Variants in MOK observed in about 807,000 individuals in gnomAD.
MOK encodes the protein MAPK/MAK/MRK overlapping kinase.
MOK carries 59 observed loss-of-function variants against 54.2 expected under a neutral mutation model. The ratio of observed to expected loss-of-function variants is 1.09; its 90% confidence interval spans 0.88 to 1.35. The LOEUF (loss-of-function observed/expected upper bound fraction) is 1.35, where lower values mean the gene tolerates loss of function less well. Among genes scored for constraint, MOK ranks in the 40% most tolerant of loss-of-function variants. MOK has a pLI of 0.00. For missense variants in MOK, 517 were observed against 526.2 expected (o/e 0.98, Z 0.17); for synonymous variants, 210 against 202.7 (o/e 1.04, Z -0.31).
chr14:102,299,514 A>G (rs74925980), intron 1 of MOK, among the ~76,000 whole-genome samples: 5 of 125,660 alleles, frequency 4.0e-5, no homozygotes, highest in South Asian at 4.7e-4. Context: ...GACTACCTAC[A>G]AAAAAAAAAA....
rs1390257200 is a variant in MOK, at chr14:102,265,841, ATAAGAATGTTTGG to A, written c.181_193del (p.Pro61CysfsTer16). 2 of 1,613,848 alleles carry A rather than the reference ATAAGAATGTTTGG, an allele frequency of 1.2e-6. No individual in the cohort carries two copies. The highest frequency in any genetic ancestry group is 1.7e-6 in the Non-Finnish European group (2 of 1,179,822). On this transcript the variant is annotated frameshift_variant, in exon 3 of 12. Coordinates refer to ENST00000361847, the MANE Select transcript of MOK (RefSeq NM_014226.3). LOFTEE classifies it high-confidence loss of function. ...TACTTACAAAACCACTTCATGCAAC[ATAAGAATGTTTGG>A]GTGCGGATTCAGGCGCCTCAGTGCT...
downstream of MOK, among the ~76,000 whole-genome samples, chr14:102,221,986 A>C (rs1456135656): frequency 2.6e-5 from 4 of 152,228 alleles, no homozygotes; most frequent in South Asian, 8.3e-4. This position sits in a 1 kb window ranked among gnomAD's most constrained non-coding sequence, Gnocchi z 4.8. Context: ...GCTCAATAGT[A>C]AATGCAAAGA....
At chr14:102,224,993 G>A (rs1458744007), downstream of MOK, 2 of 349,006 alleles carry the variant, frequency 5.7e-6, no homozygotes, top group Admixed American at 8.1e-5. Flanking sequence ...ACCCAGGAGG[G>A]CCCAAAACAG....
the MOK span, among the ~76,000 whole-genome samples, chr14:102,218,000 C>A: frequency 6.6e-6 from 1 of 152,156 alleles, no homozygotes; most frequent in African/African-American, 2.4e-5. Flanking sequence ...CTCTGGGGGA[C>A]GCCAGTGGAG....
At chr14:102,280,038 G>T (rs955705648) in intron 2 of MOK, among the ~76,000 whole-genome samples, 16 of 151,612 alleles carry the variant, frequency 1.1e-4, no homozygotes, top group Non-Finnish European at 4.4e-5. Flanking sequence ...ACTGTGCAAG[G>T]TGACTCTGGG....
At chr14:102,255,400 G>A (rs184885351) in intron 4 of MOK, among the ~76,000 whole-genome samples, 151 of 152,218 alleles carry the variant, frequency 9.9e-4, no homozygotes, top group African/African-American at 3.3e-3. Flanking sequence ...ACGGGCATGC[G>A]GGCCAGGAAT....
Position 102,249,024 on chromosome 14 carries a change from G to T in MOK, c.590+1788C>A, listed in dbSNP as rs77671108. On this transcript the variant is annotated intron_variant, in intron 7 of 11. Coordinates refer to ENST00000361847, the MANE Select transcript of MOK (RefSeq NM_014226.3). This position sits in a 1 kb window ranked among gnomAD's most constrained non-coding sequence, Gnocchi z 5.3. ...CCAGGCAGACTCGCTCACACGGAAC[G>T]CGAGGAACTCAGCCTGGCGTGTGCA... is the stretch of plus-strand genomic sequence containing the variant. 6.6e-6 allele frequency among the ~76,000 whole-genome samples: 1 copy of T among 151,688 alleles called. No homozygotes were observed. Among genetic ancestry groups the T allele is most frequent in the Non-Finnish European group, 1.5e-5 (1 of 67,984 alleles).
downstream of MOK, among the ~76,000 whole-genome samples, chr14:102,222,142 GC>G (rs1162780234): frequency 6.6e-6 from 1 of 150,420 alleles, no homozygotes; most frequent in Non-Finnish European, 1.5e-5. This position sits in a 1 kb window ranked among gnomAD's most constrained non-coding sequence, Gnocchi z 4.4. Flanking sequence ...AGAGCCAGAT[GC>G]CCCCCACCAT....
rs1295958332 is a variant in MOK at position 102,229,496 on chromosome 14, C to G, written c.1143G>C (p.Pro381=). The G allele has an allele frequency of 1.5e-5, 24 of 1,614,166 alleles. No homozygotes were observed. The highest frequency in any genetic ancestry group is 1.9e-5 in the Non-Finnish European group (22 of 1,180,030). ...GGATGCACTTCAAGGGTCTCAGCAC[C>G]GGCACTCTTCCATTTGTTCCAGATC... ...VLGSGTNGRV[P]VLRPLKCIPA... is the part of the protein sequence containing the mutation. Residue 381 remains proline, a synonymous_variant, in exon 11 of 12, where the codon CCG becomes CCC. Coordinates refer to ENST00000361847, the MANE Select transcript of MOK (RefSeq NM_014226.3).
rs985330375 is a variant in MOK at position 102,229,579 on chromosome 14, G to A, written c.1060C>T (p.Leu354Phe). The A allele has an allele frequency of 7.4e-6, 12 of 1,614,204 alleles. No homozygotes were observed. Among genetic ancestry groups the A allele is most frequent in the Non-Finnish European group, 1.0e-5 (12 of 1,180,032 alleles). The change falls in exon 11 of 12, where the codon CTT (leucine) becomes TTT (phenylalanine). Residue 354 changes from leucine to phenylalanine, a missense_variant. Transcript: ENST00000361847. Reference sequence around the variant, plus strand: ...GACGACAGTCTGACCACTCCCGAAAGCTTTAGTTTGGGCAGTTCCATGACA... The same window carrying A: ...GACGACAGTCTGACCACTCCCGAAAACTTTAGTTTGGGCAGTTCCATGACA... ...AYVMELPKLK[L>F]SGVVRLSSYS...
chr14:102,273,669 C>T (rs1366233057), intron 2 of MOK, among the ~76,000 whole-genome samples: 1 of 152,064 alleles, frequency 6.6e-6, no homozygotes, highest in Non-Finnish European at 1.5e-5. Flanking sequence ...ATCCCAGCTA[C>T]TTGGCAGGCT....
chr14:102,259,980 C>A (rs1345062221), intron 4 of MOK, among the ~76,000 whole-genome samples: 1 of 152,122 alleles, frequency 6.6e-6, no homozygotes, highest in Non-Finnish European at 1.5e-5. Flanking sequence ...GAGTTCAAGA[C>A]CAGCCTGACC....
At chr14:102,299,643 T>C (rs968981087) in intron 1 of MOK, among the ~76,000 whole-genome samples, 3 of 152,112 alleles carry the variant, frequency 2.0e-5, no homozygotes, top group African/African-American at 7.2e-5. Flanking sequence ...TGGAGAGCAG[T>C]GGTGTGATCC....
chr14:102,274,993 GAAGA>G (rs978080646), intron 2 of MOK, among the ~76,000 whole-genome samples: 67 of 149,016 alleles, frequency 4.5e-4, no homozygotes, highest in Middle Eastern at 6.9e-3. Flanking sequence ...AAAAAAAGAA[GAAGA>G]AAGACTTTTA....
At chr14:102,215,667 AGTT>A in the MOK span, among the ~76,000 whole-genome samples, 1 of 151,984 alleles carries the variant, frequency 6.6e-6, no homozygotes, top group Non-Finnish European at 1.5e-5. Context: ...TCCTGGCTAG[AGTT>A]CATTGTCTGC....
At chr14:102,276,688 G>A (rs1215772065) in intron 2 of MOK, among the ~76,000 whole-genome samples, 2 of 151,642 alleles carry the variant, frequency 1.3e-5, no homozygotes, top group African/African-American at 4.8e-5. Flanking sequence ...CTACTCTGGA[G>A]GCTGAGGCAG....
intron 2 of MOK, 21 bp from the exon 3 acceptor site, chr14:102,265,933 G>C: frequency 1.3e-6 from 2 of 1,568,982 alleles, no homozygotes; most frequent in Non-Finnish European, 1.8e-6. Context: ...GGTAAAAATG[G>C]ATAGCTCATT....
intron 4 of MOK, among the ~76,000 whole-genome samples, chr14:102,253,612 G>A (rs2066702773): frequency 6.6e-6 from 1 of 152,236 alleles, no homozygotes; most frequent in Non-Finnish European, 1.5e-5. Flanking sequence ...ACAGTCCCCT[G>A]CAGCTGCCCT....
the MOK span, among the ~76,000 whole-genome samples, chr14:102,217,683 T>C: frequency 6.6e-6 from 1 of 152,234 alleles, no homozygotes; most frequent in Non-Finnish European, 1.5e-5. Context: ...GTGCCGTGAA[T>C]AAACCATGGC....
Sources: gnomAD v4.1 joint callset for allele counts (sites outside exome capture counted in the v4.1 genomes callset) on GRCh38, gnomAD v4.1.1 for gene constraint, Gnocchi (gnomAD v3.1) non-coding constraint, MANE v1.5 for transcripts, NCBI Gene and HGNC (gene_info 2026-07-23, HGNC 2026-07-21) for gene names.